COL24A1: variants seen among roughly 807,000 people sequenced by gnomAD.
COL24A1 encodes collagen type XXIV alpha 1 chain, also known as collagen alpha-1(XXIV) chain.
Under a neutral mutation model 253.9 loss-of-function variants are expected in COL24A1, and 224 were observed. The ratio of observed to expected loss-of-function variants is 0.88; its 90% CI spans 0.79 to 0.99. The LOEUF (loss-of-function observed/expected upper bound fraction) is 0.99. Ranked by LOEUF, COL24A1 falls within the 50% of genes least tolerant of loss-of-function variation. COL24A1 has a pLI of 0.00. For missense variants in COL24A1, 2,131 were observed against 2,068.5 expected, an observed-to-expected ratio of 1.03 and a Z score of -0.59; for synonymous variants, 685 against 673.7, an observed-to-expected ratio of 1.02 and a Z score of -0.26.
At position 85,816,885 on chromosome 1, in the gene COL24A1, C is replaced by T; in HGVS notation, c.3854G>A (p.Gly1285Asp). 1.2e-6 allele frequency: 2 copies of T among 1,609,848 alleles called. No individual in the cohort carries two copies. Among genetic ancestry groups the T allele is most frequent in the Non-Finnish European group, 1.7e-6 (2 of 1,176,316 alleles). ...TTGTATGCCTTTTGGCCCAAGTAGG[C>T]CTTGAAGTCCCTTGATAATTAAAAA... ...SGKPGIPGLQ[G>D]LLGPKGIQGY... The change falls in exon 47 of 60, where the codon GGC (glycine) becomes GAC (aspartate). Residue 1285 changes from glycine to aspartate, a missense_variant. Coordinates refer to ENST00000370571, the MANE Select transcript of COL24A1 (RefSeq NM_152890.7).
intron 28 of COL24A1, among the ~76,000 whole-genome samples, chr1:85,903,730 AC>A (rs948955959): frequency 6.6e-6 from 1 of 152,188 alleles, no homozygotes; most frequent in Non-Finnish European, 1.5e-5. Context: ...ATGGGCAATA[AC>A]TAAATTCATA....
chr1:85,961,205 A>T (rs1691019610), intron 24 of COL24A1, 44 bp downstream of exon 24: 1 of 1,396,866 alleles, frequency 7.2e-7, no homozygotes, highest in South Asian at 1.2e-5. Flanking sequence ...ATTCCTAAAA[A>T]TGCTTACAGC....
At chr1:85,869,633 G>A (rs1381490813) in intron 35 of COL24A1, among the ~76,000 whole-genome samples, 5 of 151,968 alleles carry the variant, frequency 3.3e-5, no homozygotes, top group Admixed American at 2.0e-4. Context: ...AATCCTTTAA[G>A]GACAAACAAA....
At position 86,059,144 on chromosome 1, in the gene COL24A1, A is replaced by T. The variant is rs1198651882; in HGVS notation, c.1783T>A (p.Ser595Thr). Reference protein sequence around the residue: ...GIPGFAGNIGSPGYPGRQGLA... With the variant: ...GIPGFAGNIGTPGYPGRQGLA... ...ACCTGCCTGCCAGGGTAACCGGGTGAACCAATATTACCAGCAAATCCTGGA... is the reference window on the plus strand; with the variant it reads ...ACCTGCCTGCCAGGGTAACCGGGTGTACCAATATTACCAGCAAATCCTGGA... Residue 595 changes from serine to threonine, a missense_variant, in exon 9 of 60, where the codon TCA becomes ACA. Physicochemically the swap from Ser to Thr is moderately conservative, Grantham distance 58. Transcript: ENST00000370571. 5.0e-6 allele frequency: 8 copies of T among 1,611,842 alleles called. No individual in the cohort carries two copies. The East Asian group carries it at 1.8e-4, about 36-fold the overall frequency.
intron 1 of COL24A1, among the ~76,000 whole-genome samples, chr1:86,147,669 C>T (rs369039651): frequency 5.9e-5 from 9 of 152,196 alleles, no homozygotes; most frequent in East Asian, 1.9e-4. Context: ...GATGGATATG[C>T]AGGATGCATA....
At chr1:86,017,091 A>C (rs1697062042) in intron 19 of COL24A1, 60 bp downstream of exon 19, 1 of 1,441,944 alleles carries the variant, frequency 6.9e-7, no homozygotes, top group Admixed American at 2.0e-5. Context: ...ATGTTTTATC[A>C]AACAAGTTTA....
intron 37 of COL24A1, among the ~76,000 whole-genome samples, chr1:85,854,065 T>C (rs1364641976): frequency 6.6e-6 from 1 of 152,204 alleles, no homozygotes; most frequent in African/African-American, 2.4e-5. Flanking sequence ...TAGTATTCCC[T>C]AAGTTCTCTT....
intron 19 of COL24A1, among the ~76,000 whole-genome samples, chr1:85,998,460 T>C (rs1695075837): frequency 6.6e-6 from 1 of 152,232 alleles, no homozygotes; most frequent in Non-Finnish European, 1.5e-5. Context: ...TACTATACTG[T>C]AATTAAGGGC....
At chr1:85,853,258 T>C (rs753246585) in intron 37 of COL24A1, among the ~76,000 whole-genome samples, 1 of 152,216 alleles carries the variant, frequency 6.6e-6, no homozygotes, top group Non-Finnish European at 1.5e-5. Context: ...CTTAGGATAA[T>C]GGCCTCCAGC....
At chr1:85,871,967 A>T (rs983490724) in intron 35 of COL24A1, among the ~76,000 whole-genome samples, 1 of 152,202 alleles carries the variant, frequency 6.6e-6, no homozygotes, top group African/African-American at 2.4e-5. Context: ...TCAGCCCCAA[A>T]TCTCCTTAAG....
intron 25 of COL24A1, 98 bp from the exon 26 acceptor site, chr1:85,910,101 T>A (rs1685223540): frequency 2.3e-6 from 2 of 866,496 alleles, no homozygotes; most frequent in African/African-American, 3.5e-5. Flanking sequence ...CAGAATCATG[T>A]CTTACATGCA....
chr1:85,880,721 A>G (rs1010082087), intron 32 of COL24A1, among the ~76,000 whole-genome samples: 86 of 46,856 alleles, frequency 1.8e-3, no homozygotes, highest in African/African-American at 8.4e-3. Flanking sequence ...TCCAAGTTTG[A>G]GAGTTTTTTT....
rs144718017 is a variant in COL24A1, at chr1:85,852,119, C to T, written c.3301-2713G>A. ...GTGTGTGTTTGTGTGTGTGCGCGCA[C>T]GTGCGCATTTGTGTGAGGGAGAGTA... On this transcript the variant is annotated intron_variant, in intron 37 of 59. Coordinates refer to ENST00000370571, the MANE Select transcript of COL24A1 (RefSeq NM_152890.7). 1.1e-4 allele frequency among the ~76,000 whole-genome samples: 17 copies of T among 151,612 alleles called. No individual in the cohort carries two copies. The East Asian group carries it at 2.9e-3, about 26-fold the overall frequency.
intron 24 of COL24A1, among the ~76,000 whole-genome samples, chr1:85,920,865 T>C (rs1202574577): frequency 1.3e-5 from 2 of 151,286 alleles, no homozygotes; most frequent in Non-Finnish European, 2.9e-5. Flanking sequence ...ATGTAGTACA[T>C]ACGCTGATGA....
intron 47 of COL24A1, among the ~76,000 whole-genome samples, chr1:85,790,661 GTAT>G (rs1670185551): frequency 1.1e-4 from 2 of 18,436 alleles, no homozygotes; most frequent in African/African-American, 1.4e-4. Context: ...TTTATTTTAC[GTAT>G]TACCAGTGCA....
At chr1:85,963,031 T>C (rs1030571740) in intron 23 of COL24A1, among the ~76,000 whole-genome samples, 1 of 152,290 alleles carries the variant, frequency 6.6e-6, no homozygotes, top group African/African-American at 2.4e-5. Context: ...AATATTTGGA[T>C]ATCTTGAGTT....
intron 19 of COL24A1, among the ~76,000 whole-genome samples, chr1:86,013,980 C>T (rs1696772369): frequency 6.6e-6 from 1 of 152,214 alleles, no homozygotes; most frequent in Non-Finnish European, 1.5e-5. Flanking sequence ...GCACAGTCCC[C>T]TTACTCTTGA....
At chr1:85,830,047 T>C (rs1674986530) in intron 43 of COL24A1, among the ~76,000 whole-genome samples, 1 of 152,116 alleles carries the variant, frequency 6.6e-6, no homozygotes, top group African/African-American at 2.4e-5. Flanking sequence ...TCCCCATCTT[T>C]GTGGTTTTAT....
intron 2 of COL24A1, among the ~76,000 whole-genome samples, chr1:86,142,556 A>AC (rs201415223): frequency 0.015 from 2,222 of 151,860 alleles, 34 homozygotes; most frequent in Middle Eastern, 0.045. Flanking sequence ...AACAAAAAAA[A>AC]CAATTTAAAC....
Sources: gnomAD v4.1 joint callset for allele counts (sites outside exome capture counted in the v4.1 genomes callset) on GRCh38, gnomAD v4.1.1 for gene constraint, MANE v1.5 for transcripts, NCBI Gene and HGNC (gene_info 2026-07-23, HGNC 2026-07-21) for gene names.